The following TRHDE variants were observed in gnomAD, a reference collection of about 807,000 sequenced individuals.
TRHDE encodes thyrotropin-releasing hormone-degrading ectoenzyme.
A neutral mutation model predicts 125.7 loss-of-function variants in TRHDE; 72 were observed. The ratio of observed to expected loss-of-function variants is 0.57; its 90% CI spans 0.47 to 0.70. The LOEUF (loss-of-function observed/expected upper bound fraction) is 0.70, where lower values mean the gene tolerates loss of function less well. TRHDE is among the 30% of genes least tolerant of loss of function. TRHDE has a pLI of 0.00. For synonymous variants in TRHDE, 509 were observed against 509.1 expected, an observed-to-expected ratio of 1.00 and a Z score of 0.00; for missense variants, 1,110 against 1,327.1, an observed-to-expected ratio of 0.84 and a Z score of 2.54.
intron 12 of TRHDE, among the ~76,000 whole-genome samples, chr12:72,589,146 G>T (rs748484135): frequency 6.6e-6 from 1 of 152,166 alleles, no homozygotes; most frequent in Non-Finnish European, 1.5e-5. Context: ...CACCCTGGTA[G>T]CCTCTGGAGT....
rs182888744 is a variant in TRHDE at position 72,164,116 on chromosome 12, C to T, written n.279+58364C>T. ...CAGGAGCGAAACTCTGTCTCAAAAACAAACAAACAACAAAACAACAACAAC... is the reference window on the plus strand; with the variant it reads ...CAGGAGCGAAACTCTGTCTCAAAAATAAACAAACAACAAAACAACAACAAC... On this transcript the variant is annotated intron_variant and non_coding_transcript_variant, in intron 2 of 4. Transcript: ENST00000548156. Among the ~76,000 whole-genome samples, 3 of 150,576 alleles carry T rather than the reference C, an allele frequency of 2.0e-5. No homozygotes were observed. In the East Asian group the frequency reaches 5.8e-4, roughly 29 times the overall value.
At chr12:72,657,460 A>G (rs1427437721) in intron 18 of TRHDE, among the ~76,000 whole-genome samples, 1 of 152,188 alleles carries the variant, frequency 6.6e-6, no homozygotes, top group Non-Finnish European at 1.5e-5. Context: ...ACATAATAAT[A>G]TTGCTTTGTG....
chr12:72,429,440 T>G (rs937817571), intron 3 of TRHDE, among the ~76,000 whole-genome samples: 1 of 151,786 alleles, frequency 6.6e-6, no homozygotes, highest in Non-Finnish European at 1.5e-5. Flanking sequence ...GTGAGGGACA[T>G]TTACATGTTT....
chr12:72,333,837 C>A (rs935293099), intron 2 of TRHDE, among the ~76,000 whole-genome samples: 8 of 152,118 alleles, frequency 5.3e-5, no homozygotes, highest in Non-Finnish European at 7.3e-5. Context: ...TGTTGGAAAT[C>A]CTATTATTCA....
At chr12:72,141,819 T>C (rs1408069688) in intron 2 of TRHDE, among the ~76,000 whole-genome samples, 1 of 152,198 alleles carries the variant, frequency 6.6e-6, no homozygotes, top group Non-Finnish European at 1.5e-5. Flanking sequence ...TTACAGGTAG[T>C]TAGGCTTGCC....
intron 3 of TRHDE, among the ~76,000 whole-genome samples, chr12:72,467,807 T>A (rs938644708): frequency 3.3e-5 from 5 of 152,174 alleles, no homozygotes; most frequent in Non-Finnish European, 7.3e-5. Context: ...AGAGCGAGAC[T>A]CCATCTCAAA....
chr12:72,390,247 T>C (rs565657966), intron 3 of TRHDE, among the ~76,000 whole-genome samples: 1 of 152,348 alleles, frequency 6.6e-6, no homozygotes, highest in South Asian at 2.1e-4. Flanking sequence ...AGAACAGCTG[T>C]ATTTAGACTA....
chr12:72,201,278 A>G (rs756287574), intron 2 of TRHDE, among the ~76,000 whole-genome samples: 60 of 152,214 alleles, frequency 3.9e-4, no homozygotes, highest in Non-Finnish European at 6.0e-4. Flanking sequence ...ACAGAGTTGT[A>G]AGATCCAAAT....
intron 10 of TRHDE, among the ~76,000 whole-genome samples, chr12:72,569,551 A>G (rs1870621146): frequency 6.6e-6 from 1 of 152,184 alleles, no homozygotes; most frequent in African/African-American, 2.4e-5. Context: ...TGCTATTATA[A>G]GGGAGGTTTA....
At chr12:72,331,470 A>G (rs1020965620) in intron 2 of TRHDE, among the ~76,000 whole-genome samples, 1 of 67,310 alleles carries the variant, frequency 1.5e-5, no homozygotes, top group Admixed American at 1.2e-4. Context: ...TTACTATGCT[A>G]CCGAATGAAC....
At chr12:72,091,420 A>C (rs1357769821) in intron 1 of TRHDE, among the ~76,000 whole-genome samples, 1 of 152,174 alleles carries the variant, frequency 6.6e-6, no homozygotes, top group Non-Finnish European at 1.5e-5. Context: ...AAAAATTTTA[A>C]AATCTGATAA....
At chr12:72,450,298 T>TTCAC (rs1875508727) in intron 3 of TRHDE, among the ~76,000 whole-genome samples, 1 of 152,064 alleles carries the variant, frequency 6.6e-6, no homozygotes, top group African/African-American at 2.4e-5. Context: ...CAACCTTCAT[T>TTCAC]TCACTTTTGG....
chr12:72,631,632 A>AT (rs895496650), intron 15 of TRHDE, among the ~76,000 whole-genome samples: 3 of 151,968 alleles, frequency 2.0e-5, no homozygotes, highest in Admixed American at 6.6e-5. Context: ...AAAGTACAGC[A>AT]TTTTTTAATA....
intron 2 of TRHDE, among the ~76,000 whole-genome samples, chr12:72,138,800 C>T (rs970554690): frequency 6.6e-6 from 1 of 152,160 alleles, no homozygotes; most frequent in East Asian, 1.9e-4. Flanking sequence ...TCATCAGTGC[C>T]CTGACATTGC....
chr12:72,388,267 C>G (rs894411346), intron 3 of TRHDE, among the ~76,000 whole-genome samples: 4 of 152,108 alleles, frequency 2.6e-5, no homozygotes, highest in African/African-American at 9.7e-5. Context: ...AGATCATTTC[C>G]CAAATCTCTT....
At chr12:72,363,248 G>A (rs568087917) in intron 2 of TRHDE, among the ~76,000 whole-genome samples, 90 of 151,954 alleles carry the variant, frequency 5.9e-4, no homozygotes, top group African/African-American at 2.1e-3. Flanking sequence ...TAGAAAAAGA[G>A]GGAATCCTCC....
intron 2 of TRHDE, among the ~76,000 whole-genome samples, chr12:72,311,573 C>T (rs1462053282): frequency 6.6e-6 from 1 of 152,228 alleles, no homozygotes; most frequent in African/African-American, 2.4e-5. Context: ...ATTCATGAAA[C>T]AAATGATACT....
chr12:72,187,506 T>TGGTGGTGGTGGA (rs1233283631), intron 2 of TRHDE, among the ~76,000 whole-genome samples: 10 of 132,294 alleles, frequency 7.6e-5, no homozygotes, highest in East Asian at 5.0e-4. Context: ...GTGGTGGTGG[T>TGGTGGTGGTGGA]GGAGGAGGAG....
chr12:72,652,328 A>T lies in TRHDE; in HGVS notation c.2682A>T (p.Pro894=), dbSNP rs746786306. Reference sequence around the variant, plus strand: ...CCATGGGTTGCTTCTTTAGAATACCACTAAATGTTAGAGACATCGTATACT... The same window carrying T: ...CCATGGGTTGCTTCTTTAGAATACCTCTAAATGTTAGAGACATCGTATACT... ...DWISSNRNRI[P]LNVRDIVYCT... Residue 894 remains proline, a synonymous_variant, in exon 16 of 19, where the codon CCA becomes CCT. Transcript: ENST00000261180. 2.3e-5 allele frequency: 34 copies of T among 1,450,688 alleles called. No individual in the cohort carries two copies. The highest frequency in any genetic ancestry group is 3.1e-5 in the Non-Finnish European group (34 of 1,094,872). The allele number at this position is 1,450,688 out of a possible 1,614,324, so 89.9% of individuals were successfully genotyped here.
Sources: allele counts gnomAD v4.1 joint callset (sites outside exome capture counted in the v4.1 genomes callset), GRCh38; gene constraint gnomAD v4.1.1; transcripts MANE v1.5; gene names NCBI Gene and HGNC (gene_info 2026-07-23, HGNC 2026-07-21).